Variants in CMAS observed in about 807,000 individuals in gnomAD.
The protein encoded by CMAS is cytidine monophosphate N-acetylneuraminic acid synthetase.
In CMAS, 21 loss-of-function variants were observed where a neutral mutation model predicts 53.4. The observed-to-expected ratio is 0.39, with a 90% CI of 0.28 to 0.57. The LOEUF (loss-of-function observed/expected upper bound fraction) is 0.57. CMAS is among the 20% of genes least tolerant of loss of function. The pLI, the probability that CMAS is intolerant of heterozygous loss-of-function variation, is 0.56. For synonymous variants in CMAS, 189 were observed against 195.2 expected, an observed-to-expected ratio of 0.97 and a Z score of 0.27; for missense variants, 384 against 534.9, an observed-to-expected ratio of 0.72 and a Z score of 2.78.
chr12:22,059,467 T>A (rs769359804), intron 4 of CMAS, among the ~76,000 whole-genome samples: 1 of 152,240 alleles, frequency 6.6e-6, no homozygotes, highest in African/African-American at 2.4e-5. Flanking sequence ...CACTGAAATA[T>A]GAAGTAATTG....
intron 4 of CMAS, among the ~76,000 whole-genome samples, chr12:22,059,734 A>G (rs1029080336): frequency 1.3e-5 from 2 of 152,228 alleles, no homozygotes; most frequent in African/African-American, 2.4e-5. Context: ...ACACACATAG[A>G]TACTACCATT....
At chr12:22,061,649 A>G (rs1950309102) in intron 6 of CMAS, among the ~76,000 whole-genome samples, 197 bp downstream of exon 6, 1 of 152,146 alleles carries the variant, frequency 6.6e-6, no homozygotes, top group African/African-American at 2.4e-5. Flanking sequence ...AGCAAATAAT[A>G]TTTCTTGTTT....
chr12:22,053,528 C>T (rs1215374701), intron 1 of CMAS, among the ~76,000 whole-genome samples: 1 of 138,462 alleles, frequency 7.2e-6, no homozygotes, highest in African/African-American at 2.7e-5. Flanking sequence ...TATATATATA[C>T]ACACACATAC....
At chr12:22,060,967 TA>T (rs755012625) in intron 5 of CMAS, 41 bp downstream of exon 5, 3 of 1,154,302 alleles carry the variant, frequency 2.6e-6, no homozygotes, top group Non-Finnish European at 3.9e-6. Flanking sequence ...TACTAAATCT[TA>T]ATAATTATAT....
At chr12:22,054,446 T>A (rs1464769819) in intron 1 of CMAS, among the ~76,000 whole-genome samples, 1 of 152,180 alleles carries the variant, frequency 6.6e-6, no homozygotes, top group Non-Finnish European at 1.5e-5. Context: ...GTTCTTCATG[T>A]TTGTTGTTAT....
intron 3 of CMAS, among the ~76,000 whole-genome samples, 176 bp downstream of exon 3, chr12:22,055,786 C>T (rs1950264355): frequency 6.6e-6 from 1 of 152,218 alleles, no homozygotes; most frequent in South Asian, 2.1e-4. Flanking sequence ...ATCGAGCCAA[C>T]ACAGCTAGAC....
intron 1 of CMAS, 43 bp downstream of exon 1, chr12:22,046,606 C>T (rs373255619): frequency 2.7e-6 from 4 of 1,468,270 alleles, no homozygotes; most frequent in Admixed American, 2.5e-5. Flanking sequence ...GGGCGGGGGT[C>T]GGGAGAGGGA....
At position 22,046,272 on chromosome 12, in the gene CMAS, T is replaced by C; in HGVS notation, c.-32T>C. The C allele has an allele frequency of 1.4e-6, 2 of 1,415,496 alleles. No homozygotes were observed. Among genetic ancestry groups the C allele is most frequent in the Non-Finnish European group, 1.8e-6 (2 of 1,081,844 alleles). The allele number at this position is 1,415,496 out of a possible 1,614,324, so 87.7% of individuals were successfully genotyped here. On this transcript the variant is annotated 5_prime_UTR_variant, in exon 1 of 8. Transcript: ENST00000229329. ...GTGGTGAGGGACTAGCTCCCGGATG[T>C]GGAGAAGCTGGGGAGAAGGCGTGGG...
At chr12:22,058,436 AAG>A in intron 3 of CMAS, 129 bp from the exon 4 acceptor site, 7 of 817,052 alleles carry the variant, frequency 8.6e-6, no homozygotes, top group Non-Finnish European at 1.3e-5. Flanking sequence ...AAAAAAAAAA[AAG>A]AAAAGTTCTT....
At chr12:22,061,171 A>G (rs184817249) in intron 5 of CMAS, 110 bp from the exon 6 acceptor site, 256 of 810,148 alleles carry the variant, frequency 3.2e-4, no homozygotes, top group Non-Finnish European at 4.7e-4. Flanking sequence ...TTGGAGAGTA[A>G]TGTTTGAATA....
At chr12:22,056,777 G>A (rs1163912413) in intron 3 of CMAS, among the ~76,000 whole-genome samples, 3 of 152,274 alleles carry the variant, frequency 2.0e-5, no homozygotes, top group East Asian at 3.9e-4. Flanking sequence ...GTCATTGAAA[G>A]CCCTTCTAGT....
Position 22,055,594 on chromosome 12 carries a change from T to C in CMAS, c.543T>C (p.Ser181=). The C allele has an allele frequency of 6.2e-7, 1 of 1,608,044 alleles. No individual in the cohort carries two copies. The highest frequency in any genetic ancestry group is 8.5e-7 in the Non-Finnish European group (1 of 1,178,718). ...SVVRRHQFRW[S]EIQKGVREVT... The stretch of plus-strand genomic sequence containing the variant: ...TGAGACGCCATCAGTTTCGATGGAG[T>C]GAAATTCAGAAAGGAGGTAATCTCT... The change falls in exon 3 of 8, where the codon AGT becomes AGC. Residue 181 remains serine (S), a synonymous_variant. Coordinates refer to ENST00000229329, the MANE Select transcript of CMAS (RefSeq NM_018686.6).
intron 7 of CMAS, chr12:22,064,038 A>AAAT (rs747804673): frequency 1.3e-5 from 2 of 152,206 alleles, no homozygotes; most frequent in Non-Finnish European, 2.9e-5. Flanking sequence ...AAAATTTAGT[A>AAAT]AATAGAGCTT....
chr12:22,065,082 C>A (rs769216725), intron 7 of CMAS, 39 bp from the exon 8 acceptor site: 1 of 1,504,436 alleles, frequency 6.6e-7, no homozygotes, highest in Non-Finnish European at 9.1e-7. Context: ...TATTCTTTGT[C>A]TCTTTAAATG....
chr12:22,052,431 T>C (rs1950243264), intron 1 of CMAS, among the ~76,000 whole-genome samples: 1 of 152,204 alleles, frequency 6.6e-6, no homozygotes. Context: ...TTTTTTTTCT[T>C]GCTTTTTAAA....
chr12:22,046,551 G>T lies in CMAS; in HGVS notation c.248G>T (p.Gly83Val), dbSNP rs1261038637. Reference sequence around the variant, plus strand: ...GTCCTGCGTGCGGCCCTGGATTCAGGGGCCTTCCAGAGGTGCGCATGTGCG... The same window carrying T: ...GTCCTGCGTGCGGCCCTGGATTCAGTGGCCTTCCAGAGGTGCGCATGTGCG... ...GWVLRAALDS[G>V]AFQSVWVSTD... Residue 83 changes from glycine (G) to valine (V), a missense_variant, in exon 1 of 8, where the codon GGG becomes GTG. Transcript: ENST00000229329. The T allele has an allele frequency of 3.1e-6, 5 of 1,591,592 alleles. No individual in the cohort carries two copies. Among genetic ancestry groups the T allele is most frequent in the Non-Finnish European group, 4.3e-6 (5 of 1,170,470 alleles).
At chr12:22,062,866 C>G (rs2138189636) in intron 7 of CMAS, among the ~76,000 whole-genome samples, 1 of 152,242 alleles carries the variant, frequency 6.6e-6, no homozygotes, top group African/African-American at 2.4e-5. Flanking sequence ...CATACTTTTT[C>G]CTCCAAATTC....
chr12:22,061,487 T>A, intron 6 of CMAS, 35 bp downstream of exon 6: 1 of 1,378,058 alleles, frequency 7.3e-7, no homozygotes, highest in Non-Finnish European at 9.8e-7. Context: ...TATTTTATAA[T>A]ATTTTGATTC....
Position 22,055,183 on chromosome 12 carries a change from A to C in CMAS, c.295A>C (p.Asn99His), listed in dbSNP as rs141990459. 6.2e-7 allele frequency: 1 copy of C among 1,613,606 alleles called. No homozygotes were observed. The highest frequency in any genetic ancestry group is 2.2e-5 in the East Asian group (1 of 44,810). The change falls in exon 2 of 8, where the codon AAT becomes CAT. Residue 99 changes from asparagine to histidine, a missense_variant. Transcript: ENST00000229329. ...WVSTDHDEIENVAKQFGAQVH... is the reference protein window; with the variant it reads ...WVSTDHDEIEHVAKQFGAQVH... The stretch of plus-strand genomic sequence containing the variant: ...TTCGACAGACCATGATGAAATTGAG[A>C]ATGTGGCCAAACAATTTGGTGCACA...
Sources: allele counts gnomAD v4.1 joint callset (sites outside exome capture counted in the v4.1 genomes callset), GRCh38; gene constraint gnomAD v4.1.1; transcripts MANE v1.5; gene names NCBI Gene and HGNC (gene_info 2026-07-23, HGNC 2026-07-21).